ENOX2: variants seen among roughly 807,000 people sequenced by gnomAD.
The protein encoded by ENOX2 is APK1 antigen.
ENOX2 carries 36 observed loss-of-function variants against 45.0 expected under a neutral mutation model. That is an observed-to-expected ratio of 0.80 (90% CI 0.61 to 1.06). The LOEUF is 1.06. ENOX2 is among the 50% of genes least tolerant of loss of function. The probability of loss-of-function intolerance (pLI) is 0.00; values close to 1 mark genes in which losing one functional copy is unlikely to be tolerated. For missense variants in ENOX2, 423 were observed against 462.5 expected, an observed-to-expected ratio of 0.91 and a Z score of 0.78; for synonymous variants, 174 against 152.3, an observed-to-expected ratio of 1.14 and a Z score of -1.05.
At chrX:130,710,986 C>T (rs937795092) in intron 3 of ENOX2, among the ~76,000 whole-genome samples, 2 of 111,917 alleles carry the variant, frequency 1.8e-5, no homozygotes, top group African/African-American at 3.2e-5. Flanking sequence ...TTGAACAAAA[C>T]GTGGAAGAAA....
chrX:130,860,447 C>T (rs2078390580), intron 2 of ENOX2, among the ~76,000 whole-genome samples: 1 of 111,531 alleles, frequency 9.0e-6, no homozygotes, highest in African/African-American at 3.3e-5. Context: ...TTGACATTTC[C>T]ACTTCGATGT....
intron 2 of ENOX2, among the ~76,000 whole-genome samples, chrX:130,839,132 T>C (rs752219882): frequency 1.8e-5 from 2 of 112,308 alleles, no homozygotes; most frequent in Non-Finnish European, 3.8e-5. Flanking sequence ...TCTCAAGTCA[T>C]GTAAAGAGGT....
chrX:130,823,463 C>G (rs1012581619), intron 2 of ENOX2, among the ~76,000 whole-genome samples: 1 of 111,191 alleles, frequency 9.0e-6, no homozygotes, highest in Non-Finnish European at 1.9e-5. Context: ...AGGCAGCATG[C>G]AAAAGACAGC....
chrX:130,902,331 G>T (rs1028278860), intron 1 of ENOX2, among the ~76,000 whole-genome samples: 1 of 111,156 alleles, frequency 9.0e-6, no homozygotes, highest in Non-Finnish European at 1.9e-5. Flanking sequence ...AGTCTAACTT[G>T]CCTTTTACTC....
intron 2 of ENOX2, among the ~76,000 whole-genome samples, chrX:130,793,321 G>A (rs2077072848): frequency 8.9e-6 from 1 of 112,376 alleles, no homozygotes; most frequent in African/African-American, 3.2e-5. Context: ...CTTGGAAGAT[G>A]TTAGCTTTGC....
chrX:130,788,522 A>C (rs1409529549), intron 2 of ENOX2, among the ~76,000 whole-genome samples: 1 of 110,895 alleles, frequency 9.0e-6, no homozygotes, highest in Non-Finnish European at 1.9e-5. Context: ...ACTACCACCT[A>C]CTCTATTTTG....
intron 8 of ENOX2, among the ~76,000 whole-genome samples, chrX:130,666,329 A>G (rs909987145): frequency 4.5e-5 from 5 of 112,111 alleles, no homozygotes; most frequent in African/African-American, 9.7e-5. Flanking sequence ...CTGGAAAAAT[A>G]TAAGTTTTAG....
rs191606525 is a variant in ENOX2, at chrX:130,703,832, A to G, written c.-38-578T>C. 4.5e-5 allele frequency among the ~76,000 whole-genome samples: 5 copies of G among 111,491 alleles called. No homozygotes were observed. The East Asian group carries it at 1.4e-3, about 32-fold the overall frequency. Reference sequence around the variant, plus strand: ...GGTTAGGGGAACAATGAGAAAAAGCAGACTAGAGACACAGTCCCTGCCCTC... The same window carrying G: ...GGTTAGGGGAACAATGAGAAAAAGCGGACTAGAGACACAGTCCCTGCCCTC... On this transcript the variant is annotated intron_variant, in intron 3 of 14. Transcript: ENST00000394363.
intron 2 of ENOX2, among the ~76,000 whole-genome samples, chrX:130,803,913 C>T (rs1462142951): frequency 5.4e-5 from 6 of 111,490 alleles, no homozygotes; most frequent in Admixed American, 1.9e-4. Context: ...AAAAGCTATA[C>T]AATGAATTCA....
intron 2 of ENOX2, among the ~76,000 whole-genome samples, chrX:130,811,135 A>G (rs778754197): frequency 9.0e-6 from 1 of 111,124 alleles, no homozygotes; most frequent in South Asian, 3.9e-4. Flanking sequence ...ATCTGCCTAC[A>G]TGAGTGGTCG....
chrX:130,794,615 T>G (rs1381799640), intron 2 of ENOX2, among the ~76,000 whole-genome samples: 1 of 112,864 alleles, frequency 8.9e-6, no homozygotes, highest in Admixed American at 9.4e-5. Flanking sequence ...TGTGAGTGAA[T>G]GAAAATTGAA....
chrX:130,817,682 T>C (rs2077514048), intron 2 of ENOX2, among the ~76,000 whole-genome samples: 2 of 112,171 alleles, frequency 1.8e-5, no homozygotes, highest in Admixed American at 1.9e-4. Context: ...ATTATCTCAA[T>C]AGATGCAGAA....
intron 2 of ENOX2, among the ~76,000 whole-genome samples, chrX:130,825,327 T>A (rs2077699151): frequency 9.0e-6 from 1 of 111,465 alleles, no homozygotes; most frequent in South Asian, 3.8e-4. Flanking sequence ...AATTCATACA[T>A]GTGTACAAAC....
intron 3 of ENOX2, among the ~76,000 whole-genome samples, chrX:130,719,312 G>A (rs1184263221): frequency 9.0e-6 from 1 of 111,047 alleles, no homozygotes; most frequent in Non-Finnish European, 1.9e-5. Context: ...TCAAACAACA[G>A]AGGGGGAAAT....
intron 2 of ENOX2, among the ~76,000 whole-genome samples, chrX:130,890,154 T>A (rs2078963754): frequency 8.9e-6 from 1 of 112,156 alleles, no homozygotes; most frequent in Admixed American, 9.4e-5. Flanking sequence ...AAAGATGATT[T>A]TTTTTTTGTT....
chrX:130,765,435 AATTTT>A (rs1433471651), intron 3 of ENOX2, among the ~76,000 whole-genome samples: 3 of 111,380 alleles, frequency 2.7e-5, no homozygotes, highest in Non-Finnish European at 5.7e-5. Context: ...TATATGTTTT[AATTTT>A]ATATTTAACT....
chrX:130,829,969 C>T (rs748691285), intron 2 of ENOX2, among the ~76,000 whole-genome samples: 1 of 111,707 alleles, frequency 9.0e-6, no homozygotes, highest in African/African-American at 3.2e-5. Flanking sequence ...ATTATTTAGT[C>T]CAATCTTCTT....
chrX:130,719,430 C>G (rs1408704808), intron 3 of ENOX2, among the ~76,000 whole-genome samples: 2 of 104,777 alleles, frequency 1.9e-5, no homozygotes, highest in Non-Finnish European at 3.9e-5. Flanking sequence ...CAGCTTGAGG[C>G]TGGACAGCCA....
chrX:130,863,695 C>A (rs942820741), intron 2 of ENOX2, among the ~76,000 whole-genome samples: 1 of 112,072 alleles, frequency 8.9e-6, no homozygotes, highest in Non-Finnish European at 1.9e-5. Flanking sequence ...TACAAAAATG[C>A]GGATTCTTAT....
Sources: gnomAD v4.1 joint callset for allele counts (sites outside exome capture counted in the v4.1 genomes callset) on GRCh38, gnomAD v4.1.1 for gene constraint, MANE v1.5 for transcripts, NCBI Gene and HGNC (gene_info 2026-07-23, HGNC 2026-07-21) for gene names.